The following CCDC149 variants were observed in gnomAD, a reference collection of about 807,000 sequenced individuals.
CCDC149 encodes coiled-coil domain containing 149, also known as coiled-coil domain-containing protein 149.
CCDC149 carries 45 observed loss-of-function variants against 59.9 expected under a neutral mutation model. That is an observed-to-expected ratio of 0.75 (90% CI 0.59 to 0.96). The LOEUF (loss-of-function observed/expected upper bound fraction) is 0.96. Among genes scored for constraint, CCDC149 ranks in the 40% least tolerant of loss-of-function variants. CCDC149 has a pLI of 0.00. For synonymous variants in CCDC149, 245 were observed against 260.6 expected (o/e 0.94, Z 0.58); for missense variants, 584 against 664.7 (o/e 0.88, Z 1.33).
chr4:24,831,599 T>C lies in CCDC149; in HGVS notation c.872A>G (p.Gln291Arg). The change falls in exon 9 of 13, where the codon CAG becomes CGG. Residue 291 changes from glutamine (Q) to arginine (R), a missense_variant. By Grantham distance (43) the Gln-to-Arg change is conservative. Coordinates refer to ENST00000635206, the MANE Select transcript of CCDC149 (RefSeq NM_001330643.2). ...CAGAGATTTCAGGTCAGAAATGGAC[T>C]GCGGAGTAGCTGGGAGGCTGCATCC... The C allele has an allele frequency of 6.2e-7, 1 of 1,614,082 alleles. No individual in the cohort carries two copies. The highest frequency in any genetic ancestry group is 8.5e-7 in the Non-Finnish European group (1 of 1,179,986).
intron 1 of CCDC149, among the ~76,000 whole-genome samples, chr4:24,909,113 T>C (rs1321039014): frequency 6.6e-6 from 1 of 152,170 alleles, no homozygotes; most frequent in Non-Finnish European, 1.5e-5. Flanking sequence ...CAGCTTATTA[T>C]ACCAAATATA....
intron 9 of CCDC149, chr4:24,830,203 G>C (rs570246618): frequency 6.6e-6 from 1 of 152,530 alleles, no homozygotes; most frequent in South Asian, 2.1e-4. Context: ...ATGGACCAGG[G>C]TTTAGAAGAT....
chr4:24,864,746 A>G lies in CCDC149; in HGVS notation c.264+8935T>C, dbSNP rs139319064. On this transcript the variant is annotated intron_variant, in intron 3 of 12. Transcript: ENST00000635206. ...TACAAAGTCATCCCAAATCTTCAGA[A>G]TTTACTAAATACAGTTGATCCTTGA... Among the ~76,000 whole-genome samples the G allele has an allele frequency of 7.2e-5, 11 of 152,342 alleles. No homozygotes were observed. In the East Asian group the frequency reaches 2.1e-3, roughly 29 times the overall value.
chr4:24,905,753 G>A (rs1344724869), intron 1 of CCDC149, among the ~76,000 whole-genome samples: 2 of 152,132 alleles, frequency 1.3e-5, no homozygotes, highest in African/African-American at 4.8e-5. Context: ...ATTTCTTAAT[G>A]GGACCCTCCC....
At position 24,912,956 on chromosome 4, in the gene CCDC149, CGCGGCCCCGA is replaced by C; in HGVS notation, c.-87_-78del. The C allele has an allele frequency of 1.2e-6, 1 of 849,696 alleles. No individual in the cohort carries two copies. The highest frequency in any genetic ancestry group is 1.5e-6 in the Non-Finnish European group (1 of 663,900). The allele number at this position is 849,696 out of a possible 1,614,324, so 52.6% of individuals were successfully genotyped here. On this transcript the variant is annotated 5_prime_UTR_variant, in exon 1 of 13. Coordinates refer to ENST00000635206, the MANE Select transcript of CCDC149 (RefSeq NM_001330643.2). ...CGTCGCCGCCGCCGCCCGGGCCCCGCGCGGCCCCGAGAGGGCCCGGCGCCTCCGAGCCGCT... is the reference window on the plus strand; with the variant it reads ...CGTCGCCGCCGCCGCCCGGGCCCCGCGAGGGCCCGGCGCCTCCGAGCCGCT...
intron 12 of CCDC149, among the ~76,000 whole-genome samples, chr4:24,819,432 T>C (rs866616599): frequency 1.3e-5 from 2 of 152,212 alleles, no homozygotes; most frequent in East Asian, 3.9e-4. Flanking sequence ...GTGATTCTCC[T>C]GCCTCAGCCT....
At chr4:24,819,467 C>T (rs951951053) in intron 12 of CCDC149, among the ~76,000 whole-genome samples, 10 of 152,292 alleles carry the variant, frequency 6.6e-5, no homozygotes, top group East Asian at 1.9e-4. Context: ...ACTACAGGCA[C>T]GCCCCACCAC....
At chr4:24,873,914 A>G (rs984861106) in intron 2 of CCDC149, among the ~76,000 whole-genome samples, 195 bp from the exon 3 acceptor site, 14 of 152,116 alleles carry the variant, frequency 9.2e-5, no homozygotes, top group Non-Finnish European at 2.9e-5. Context: ...ATTTTGGAAA[A>G]ACCTCTAGGG....
chr4:24,845,857 C>G (rs1226493270), intron 4 of CCDC149, among the ~76,000 whole-genome samples: 1 of 152,214 alleles, frequency 6.6e-6, no homozygotes. Flanking sequence ...GAATCACTGT[C>G]AGATAGTTCA....
chr4:24,968,867 G>A (rs933824302), intron 1 of CCDC149, among the ~76,000 whole-genome samples: 3 of 152,330 alleles, frequency 2.0e-5, no homozygotes, highest in African/African-American at 7.2e-5. Context: ...CAACCCATTT[G>A]GGGGCAATCC....
chr4:24,815,057 C>T (rs191950911), intron 12 of CCDC149, among the ~76,000 whole-genome samples: 1 of 152,160 alleles, frequency 6.6e-6, no homozygotes, highest in African/African-American at 2.4e-5. Context: ...AATTTTTTAA[C>T]CTTGTTCCAT....
chr4:24,948,612 A>G (rs1723189659), intron 1 of CCDC149, among the ~76,000 whole-genome samples: 1 of 150,650 alleles, frequency 6.6e-6, no homozygotes, highest in African/African-American at 2.4e-5. Context: ...GACACCTACA[A>G]CTCCCTCCCT....
chr4:24,805,060 G>C (rs1445748633), downstream of CCDC149, among the ~76,000 whole-genome samples: 1 of 152,084 alleles, frequency 6.6e-6, no homozygotes, highest in Non-Finnish European at 1.5e-5. Flanking sequence ...AGAAATGCCT[G>C]GTTTACAAAA....
rs977550356 is a variant in CCDC149, at chr4:24,808,324, C to T, written c.*65G>A. On this transcript the variant is annotated 3_prime_UTR_variant, in exon 13 of 13. Transcript: ENST00000635206. The stretch of plus-strand genomic sequence containing the variant: ...AGAAGGCGACGTGAGCGCACCATTC[C>T]GATGCTTCATTCTTGACCCTCTCTG... The T allele has an allele frequency of 7.3e-6, 10 of 1,377,642 alleles. No homozygotes were observed. The highest frequency in any genetic ancestry group is 1.9e-4 in the Middle Eastern group (1 of 5,380). The allele number at this position is 1,377,642 out of a possible 1,614,324, so 85.3% of individuals were successfully genotyped here. A position where few individuals can be genotyped will look rare whatever the true frequency, so the allele number is the denominator to read the frequency against.
At chr4:24,944,266 G>A (rs1723038318) in intron 1 of CCDC149, among the ~76,000 whole-genome samples, 1 of 152,130 alleles carries the variant, frequency 6.6e-6, no homozygotes, top group African/African-American at 2.4e-5. Flanking sequence ...GGATGAAGCT[G>A]GAAACTATCA....
chr4:24,919,597 T>A (rs1273363046), intron 1 of CCDC149, among the ~76,000 whole-genome samples: 1 of 152,172 alleles, frequency 6.6e-6, no homozygotes, highest in Non-Finnish European at 1.5e-5. Flanking sequence ...GTGGAAAGCA[T>A]GAATGGGTGA....
At chr4:24,933,062 A>C (rs1460455821) in intron 1 of CCDC149, among the ~76,000 whole-genome samples, 1 of 152,166 alleles carries the variant, frequency 6.6e-6, no homozygotes, top group Non-Finnish European at 1.5e-5. Flanking sequence ...AGGAAAAAAA[A>C]CAGAAAATGA....
intron 3 of CCDC149, among the ~76,000 whole-genome samples, chr4:24,867,659 T>C (rs917645831): frequency 6.6e-6 from 1 of 152,232 alleles, no homozygotes; most frequent in Non-Finnish European, 1.5e-5. Flanking sequence ...GCAAATTTTT[T>C]TGCAGGCATG....
intron 4 of CCDC149, among the ~76,000 whole-genome samples, chr4:24,851,939 T>C (rs1717683953): frequency 6.6e-6 from 1 of 152,034 alleles, no homozygotes; most frequent in Admixed American, 6.6e-5. Flanking sequence ...CTAGGAATAG[T>C]AAAGCCTAAG....
Sources: gnomAD v4.1 joint callset for allele counts (sites outside exome capture counted in the v4.1 genomes callset) on GRCh38, gnomAD v4.1.1 for gene constraint, MANE v1.5 for transcripts, NCBI Gene and HGNC (gene_info 2026-07-23, HGNC 2026-07-21) for gene names.